Variants in PRKCH observed in about 807,000 individuals in gnomAD.
The protein encoded by PRKCH is protein kinase C eta type.
Under a neutral mutation model 82.5 loss-of-function variants are expected in PRKCH, and 28 were observed. The ratio of observed to expected loss-of-function variants is 0.34; its 90% confidence interval spans 0.25 to 0.47. The LOEUF (loss-of-function observed/expected upper bound fraction) is 0.47, where lower values mean the gene tolerates loss of function less well. Ranked by LOEUF, PRKCH falls within the 20% of genes least tolerant of loss-of-function variation. PRKCH has a pLI of 1.00. For missense variants in PRKCH, 705 were observed against 881.8 expected (o/e 0.80, Z 2.54); for synonymous variants, 322 against 327.4 (o/e 0.98, Z 0.18).
intron 12 of PRKCH, chr14:61,543,628 C>T (rs2043215700): frequency 6.6e-6 from 1 of 152,228 alleles, no homozygotes. Flanking sequence ...TCTTGGATCA[C>T]AGTCAGGGAG....
intron 5 of PRKCH, among the ~76,000 whole-genome samples, chr14:61,449,510 G>A (rs1473977312): frequency 6.6e-6 from 1 of 151,964 alleles, no homozygotes; most frequent in Admixed American, 6.5e-5. Flanking sequence ...TCCCTCCTTT[G>A]TGAGGACCCC....
At chr14:61,521,728 G>A (rs764780478) in intron 10 of PRKCH, among the ~76,000 whole-genome samples, 56 of 152,150 alleles carry the variant, frequency 3.7e-4, no homozygotes, top group Admixed American at 5.9e-4. Flanking sequence ...CACTGTGCCC[G>A]GCCTTAATCT....
At chr14:61,422,017 A>G (rs1201493798) in intron 2 of PRKCH, among the ~76,000 whole-genome samples, 4 of 152,196 alleles carry the variant, frequency 2.6e-5, no homozygotes, top group African/African-American at 9.6e-5. Flanking sequence ...GATAGTGGGT[A>G]GTGCCAGATG....
rs1400181985 is a variant in PRKCH, at chr14:61,280,109, C to T, written c.-19+92441C>T. On this transcript the variant is annotated intron_variant, in intron 1 of 3. Transcript: ENST00000555185. This position sits in a 1 kb window ranked among gnomAD's most constrained non-coding sequence, Gnocchi z 5.0. The stretch of plus-strand genomic sequence containing the variant: ...AGCCGGAATCACTCCTCGTCGTCGT[C>T]GTCCTGGTCCTGGTAGCGAATGTAG... 2.5e-6 allele frequency: 4 copies of T among 1,611,246 alleles called. No individual in the cohort carries two copies. Among genetic ancestry groups the T allele is most frequent in the South Asian group, 2.2e-5 (2 of 90,750 alleles).
At chr14:61,460,491 C>T (rs574163039) in intron 9 of PRKCH, among the ~76,000 whole-genome samples, 16 of 152,172 alleles carry the variant, frequency 1.1e-4, no homozygotes, top group Non-Finnish European at 2.4e-4. Flanking sequence ...AGATAGTGAA[C>T]GTTTTATTGT....
chr14:61,238,806 C>G (rs1027543455), intron 1 of PRKCH, among the ~76,000 whole-genome samples: 1 of 152,114 alleles, frequency 6.6e-6, no homozygotes, highest in Non-Finnish European at 1.5e-5. Flanking sequence ...CTGTAAGACC[C>G]GTGAAGGGAA....
intron 1 of PRKCH, among the ~76,000 whole-genome samples, chr14:61,258,884 T>C (rs2045021479): frequency 6.6e-6 from 1 of 152,228 alleles, no homozygotes; most frequent in Non-Finnish European, 1.5e-5. Context: ...TGAAATAAGC[T>C]AATTTTTTAA....
chr14:61,236,850 C>T (rs536780774), intron 1 of PRKCH, among the ~76,000 whole-genome samples: 23 of 151,896 alleles, frequency 1.5e-4, no homozygotes, highest in African/African-American at 3.9e-4. Context: ...GTCATGGCAA[C>T]GTCAGGAAGT....
chr14:61,426,268 C>T (rs977313398), intron 2 of PRKCH, among the ~76,000 whole-genome samples: 4 of 152,218 alleles, frequency 2.6e-5, no homozygotes, highest in African/African-American at 9.6e-5. Context: ...GTTCCTTCTA[C>T]CCATGGCCTA....
At chr14:61,346,545 G>C (rs1957902) in intron 1 of PRKCH, among the ~76,000 whole-genome samples, 83,777 of 152,034 alleles carry the variant, frequency 0.55, 26,589 homozygotes, top group Non-Finnish European at 0.7. Context: ...CATTTCATTG[G>C]AGCAATTATT....
intron 11 of PRKCH, among the ~76,000 whole-genome samples, chr14:61,530,156 T>G (rs888005192): frequency 1.1e-4 from 16 of 152,146 alleles, no homozygotes; most frequent in African/African-American, 3.9e-4. Flanking sequence ...CTGTTTGGGA[T>G]CTGCACGAGC....
At chr14:61,243,445 G>A (rs1262133922) in intron 1 of PRKCH, among the ~76,000 whole-genome samples, 1 of 151,192 alleles carries the variant, frequency 6.6e-6, no homozygotes, top group Non-Finnish European at 1.5e-5. Context: ...AGAGAAAGAG[G>A]AAGATATTCT....
chr14:61,374,504 G>A (rs750870944), intron 1 of PRKCH, among the ~76,000 whole-genome samples: 6 of 152,056 alleles, frequency 3.9e-5, no homozygotes, highest in South Asian at 2.1e-4. Context: ...CTGCCTGGAC[G>A]TCCAGATGTT....
intron 1 of PRKCH, among the ~76,000 whole-genome samples, chr14:61,195,187 A>C (rs1308043120): frequency 7.1e-6 from 1 of 140,814 alleles, no homozygotes; most frequent in Non-Finnish European, 1.6e-5. Context: ...TTTTACATAG[A>C]TATCCTATCA....
Position 61,281,870 on chromosome 14 carries a change from C to CTTTTTT in PRKCH, c.-19+94228_-19+94233dup, listed in dbSNP as rs71117807. The CTTTTTT allele has an allele frequency of 1.6e-3, 154 of 94,840 alleles. 10 individuals are homozygous for CTTTTTT. Among genetic ancestry groups the CTTTTTT allele is most frequent in the African/African-American group, 4.0e-3 (79 of 19,880 alleles). The allele number at this position is 94,840 out of a possible 1,614,324, so 5.9% of individuals were successfully genotyped here. ...TTCAACGCCTGCGTTCAAATTTTAG[C>CTTTTTT]TTTTTTTTTTTTTTTTTTTTTTTTT... On this transcript the variant is annotated intron_variant, in intron 1 of 3. Transcript: ENST00000555185.
chr14:61,473,655 G>C (rs1406248357), intron 9 of PRKCH, among the ~76,000 whole-genome samples: 1 of 152,186 alleles, frequency 6.6e-6, no homozygotes, highest in African/African-American at 2.4e-5. Flanking sequence ...TGGGAGATCA[G>C]TTTGGTGTCA....
upstream of PRKCH, among the ~76,000 whole-genome samples, chr14:61,319,502 C>T (rs555970419): frequency 5.9e-5 from 9 of 152,194 alleles, no homozygotes; most frequent in South Asian, 2.1e-4. Context: ...TGTCTGGTAT[C>T]GTCATATCCC....
chr14:61,220,242 C>T (rs1476989378), intron 1 of PRKCH, among the ~76,000 whole-genome samples: 1 of 152,236 alleles, frequency 6.6e-6, no homozygotes, highest in East Asian at 1.9e-4. Context: ...CCAAGGACAT[C>T]TCCTCTGTCA....
intron 1 of PRKCH, among the ~76,000 whole-genome samples, chr14:61,313,483 G>C (rs548995352): frequency 6.6e-6 from 1 of 152,152 alleles, no homozygotes; most frequent in East Asian, 1.9e-4. Flanking sequence ...TTTGAGACAG[G>C]GTCTTGCTCT....
Sources: gnomAD v4.1 joint callset for allele counts (sites outside exome capture counted in the v4.1 genomes callset) on GRCh38, gnomAD v4.1.1 for gene constraint, Gnocchi (gnomAD v3.1) non-coding constraint, MANE v1.5 for transcripts, NCBI Gene and HGNC (gene_info 2026-07-23, HGNC 2026-07-21) for gene names.